The following CAMKMT variants were observed in gnomAD, a reference collection of about 807,000 sequenced individuals.
The protein encoded by CAMKMT is CaM KMT.
A neutral mutation model predicts 48.0 loss-of-function variants in CAMKMT; 53 were observed. That is an observed-to-expected ratio of 1.10 (90% confidence interval 0.89 to 1.39). The LOEUF is 1.39. Among genes scored for constraint, CAMKMT ranks in the 40% most tolerant of loss-of-function variants. The pLI is 0.00. For missense variants in CAMKMT, 428 were observed against 402.7 expected (o/e 1.06, Z -0.54); for synonymous variants, 165 against 152.3 (o/e 1.08, Z -0.61).
In CAMKMT at chr2:44,618,482, A is replaced by T. The variant is rs532222334; in HGVS notation, c.377-85801A>T. ...TGGGGACCTTTTTGCTTTAGGTCGA[A>T]GGCTTTTCAGACTGCGATGAGATGA... On this transcript the variant is annotated intron_variant, in intron 3 of 10. Transcript: ENST00000378494. The surrounding 1 kb of genome is among the most constrained non-coding windows in gnomAD (Gnocchi z 4.0). Among the ~76,000 whole-genome samples the T allele has an allele frequency of 5.9e-5, 9 of 152,334 alleles. No homozygotes were observed. The highest frequency in any genetic ancestry group is 1.3e-4 in the Admixed American group (2 of 15,306).
intron 8 of CAMKMT, among the ~76,000 whole-genome samples, chr2:44,750,735 C>T (rs571536414): frequency 7.2e-5 from 11 of 152,134 alleles, no homozygotes; most frequent in African/African-American, 9.6e-5. Context: ...AAGATGAGGC[C>T]GGGCACGGTG....
At position 44,402,208 on chromosome 2, in the gene CAMKMT, A is replaced by G. The variant is rs1682436918; in HGVS notation, c.376+11903A>G. ...GCCAGGCCTGGTGGCAGGTGCCTGT[A>G]ATCATAGCTACTCGGGAGGCTGAGG... On this transcript the variant is annotated intron_variant, in intron 3 of 10. Transcript: ENST00000378494. Among the ~76,000 whole-genome samples, 3 of 151,924 alleles carry G rather than the reference A, an allele frequency of 2.0e-5. No individual in the cohort carries two copies. The South Asian group carries it at 6.3e-4, about 32-fold the overall frequency.
intron 3 of CAMKMT, among the ~76,000 whole-genome samples, chr2:44,656,695 T>TC (rs1013459321): frequency 3.3e-5 from 5 of 150,712 alleles, no homozygotes; most frequent in African/African-American, 7.3e-5. Context: ...CTGGAAAAGG[T>TC]CCCCCCCACC....
At chr2:44,368,799 A>G (rs553478030) in intron 1 of CAMKMT, among the ~76,000 whole-genome samples, 2 of 152,142 alleles carry the variant, frequency 1.3e-5, no homozygotes, top group Non-Finnish European at 2.9e-5. Flanking sequence ...TTTTTTCCTA[A>G]GAGTAAGCTC....
intron 2 of CAMKMT, among the ~76,000 whole-genome samples, chr2:44,383,075 G>A (rs550014757): frequency 6.6e-6 from 1 of 151,872 alleles, no homozygotes; most frequent in Non-Finnish European, 1.5e-5. Context: ...CTGCCTTTTC[G>A]GAGGCCATTC....
At chr2:44,598,719 T>TCACGCC (rs1670814914) in intron 3 of CAMKMT, among the ~76,000 whole-genome samples, 1 of 35,444 alleles carries the variant, frequency 2.8e-5, no homozygotes, top group African/African-American at 1.0e-4. Context: ...CCTTTGGGTC[T>TCACGCC]TGTCTTAGCA....
intron 3 of CAMKMT, among the ~76,000 whole-genome samples, chr2:44,580,972 C>T (rs1669525251): frequency 6.6e-6 from 1 of 152,034 alleles, no homozygotes; most frequent in Non-Finnish European, 1.5e-5. Context: ...GCTGGTTGTA[C>T]CTTAGATGCT....
At chr2:44,700,221 G>C (rs1344376556) in intron 3 of CAMKMT, among the ~76,000 whole-genome samples, 1 of 152,212 alleles carries the variant, frequency 6.6e-6, no homozygotes, top group Non-Finnish European at 1.5e-5. Context: ...ATTGGGCTTT[G>C]GCTTAAGAGA....
chr2:44,550,582 C>G (rs918620423), intron 3 of CAMKMT: 1 of 152,154 alleles, frequency 6.6e-6, no homozygotes, highest in Non-Finnish European at 1.5e-5. Flanking sequence ...TAGGGAGACA[C>G]TGAACCCAAG....
At chr2:44,608,175 C>G (rs1671401400) in intron 3 of CAMKMT, among the ~76,000 whole-genome samples, 1 of 150,484 alleles carries the variant, frequency 6.6e-6, no homozygotes, top group Non-Finnish European at 1.5e-5. Context: ...CGGGTTCACG[C>G]CATTCTCCTG....
chr2:44,605,735 G>C (rs929905598), intron 3 of CAMKMT, among the ~76,000 whole-genome samples: 1 of 152,066 alleles, frequency 6.6e-6, no homozygotes, highest in African/African-American at 2.4e-5. Flanking sequence ...TTAGATTTCA[G>C]TTTCTTTGTT....
Position 44,754,850 on chromosome 2 carries a change from TA to T in CAMKMT, c.762+745del, listed in dbSNP as rs373413830. Reference sequence around the variant, plus strand: ...GAAAATGAGTTTAAAGCTCATGCATTAAAAAAAAAAAAACCTTATAACTATG... The same window carrying T: ...GAAAATGAGTTTAAAGCTCATGCATTAAAAAAAAAAAACCTTATAACTATG... On this transcript the variant is annotated intron_variant, in intron 9 of 10. Transcript: ENST00000378494. Among the ~76,000 whole-genome samples the T allele has an allele frequency of 5.6e-3, 798 of 143,282 alleles. 4 individuals are homozygous for T. Among genetic ancestry groups the T allele is most frequent in the African/African-American group, 0.012 (483 of 39,306 alleles). 94.0% of individuals were successfully genotyped at this position (143,282 alleles called of 152,430 possible).
chr2:44,484,752 T>C (rs1669134713), intron 3 of CAMKMT, among the ~76,000 whole-genome samples: 2 of 151,768 alleles, frequency 1.3e-5, no homozygotes, highest in Admixed American at 1.3e-4. Flanking sequence ...ATTAGGAATT[T>C]CTGTTATTGA....
rs945810913 is a variant in CAMKMT at position 44,760,973 on chromosome 2, G to A, written c.763-5457G>A. Among the ~76,000 whole-genome samples the A allele has an allele frequency of 4.1e-4, 63 of 152,228 alleles. 1 individual carries two copies. The highest frequency in any genetic ancestry group is 3.5e-3 in the Admixed American group (54 of 15,298). ...GATGCCAGTCACTGTGCCAGGCCCCGGGGATAGAGTTAGATATGACCTAAC... is the reference window on the plus strand; with the variant it reads ...GATGCCAGTCACTGTGCCAGGCCCCAGGGATAGAGTTAGATATGACCTAAC... On this transcript the variant is annotated intron_variant, in intron 9 of 10. Transcript: ENST00000378494.
intron 3 of CAMKMT, among the ~76,000 whole-genome samples, chr2:44,529,367 A>G (rs1666343744): frequency 6.6e-6 from 1 of 152,224 alleles, no homozygotes; most frequent in African/African-American, 2.4e-5. Context: ...AGAATTTATG[A>G]AAATGAAAAG....
At chr2:44,453,648 A>G (rs1667411425) in intron 3 of CAMKMT, among the ~76,000 whole-genome samples, 1 of 152,110 alleles carries the variant, frequency 6.6e-6, no homozygotes, top group Non-Finnish European at 1.5e-5. Flanking sequence ...CATGTAGTTT[A>G]TAGCGCAAAC....
intron 3 of CAMKMT, among the ~76,000 whole-genome samples, chr2:44,606,672 G>T (rs532132811): frequency 6.6e-6 from 1 of 151,972 alleles, no homozygotes; most frequent in African/African-American, 2.4e-5. Flanking sequence ...TCTTACCTTA[G>T]CAAAGGTGAA....
intron 3 of CAMKMT, among the ~76,000 whole-genome samples, chr2:44,408,747 A>G (rs1034804517): frequency 7.3e-4 from 109 of 149,890 alleles, no homozygotes; most frequent in Middle Eastern, 3.4e-3. Context: ...TTAATTAATT[A>G]ATTAATTTTT....
chr2:44,525,710 G>C (rs1271463921), intron 3 of CAMKMT, among the ~76,000 whole-genome samples: 4 of 152,128 alleles, frequency 2.6e-5, no homozygotes, highest in Admixed American at 6.5e-5. Flanking sequence ...TTATTTTATA[G>C]ATGAGAAACT....
Sources: gnomAD v4.1 joint callset for allele counts (sites outside exome capture counted in the v4.1 genomes callset) on GRCh38, gnomAD v4.1.1 for gene constraint, Gnocchi (gnomAD v3.1) non-coding constraint, MANE v1.5 for transcripts, NCBI Gene and HGNC (gene_info 2026-07-23, HGNC 2026-07-21) for gene names.